The following CHD9 variants were observed in gnomAD, a reference collection of about 807,000 sequenced individuals.
CHD9 encodes chromodomain helicase DNA binding protein 9, also known as ATP-dependent chromatin remodeler CHD9.
A neutral mutation model predicts 316.1 loss-of-function variants in CHD9; 77 were observed. That is an observed-to-expected ratio of 0.24 (90% CI 0.20 to 0.29). The LOEUF (loss-of-function observed/expected upper bound fraction) is 0.29. Among genes scored for constraint, CHD9 ranks in the 10% least tolerant of loss-of-function variants. The probability of loss-of-function intolerance (pLI) is 1.00; values close to 1 mark genes in which losing one functional copy is unlikely to be tolerated. For missense variants in CHD9, 2,763 were observed against 3,438.1 expected (o/e 0.80, Z 4.91); for synonymous variants, 1,129 against 1,158.3 (o/e 0.97, Z 0.51).
rs1470712359 is a variant in CHD9, at chr16:53,209,647, C to T, written c.1618C>T (p.Arg540Cys). 29 of 1,613,736 alleles carry T rather than the reference C, an allele frequency of 1.8e-5. No homozygotes were observed. Among genetic ancestry groups the T allele is most frequent in the South Asian group, 3.3e-5 (3 of 91,090 alleles). ...AGAGGCCATAGCAAAAGCAAAGGAG[C>T]GTGGGGAACGCAATATTCCACGAGT... is the stretch of plus-strand genomic sequence containing the variant. Reference protein sequence around the residue: ...ISEAIAKAKERGERNIPRVMS... With the variant: ...ISEAIAKAKECGERNIPRVMS... Residue 540 changes from arginine to cysteine, a missense_variant, in exon 3 of 39, where the codon CGT (arginine) becomes TGT (cysteine). Transcript: ENST00000447540.
chr16:53,110,001 T>C (rs977118610), intron 1 of CHD9, among the ~76,000 whole-genome samples: 9 of 152,090 alleles, frequency 5.9e-5, no homozygotes, highest in African/African-American at 1.4e-4. Flanking sequence ...CCAGTTTCTA[T>C]TGAAGAACGA....
At chr16:53,271,702 A>G (rs940450319) in intron 22 of CHD9, among the ~76,000 whole-genome samples, 2 of 152,176 alleles carry the variant, frequency 1.3e-5, no homozygotes, top group African/African-American at 4.8e-5. Context: ...CAAATATACC[A>G]TGACTTCGAA....
intron 2 of CHD9, among the ~76,000 whole-genome samples, chr16:53,181,405 C>T (rs947257690): frequency 4.6e-5 from 7 of 151,866 alleles, no homozygotes; most frequent in African/African-American, 7.3e-5. Flanking sequence ...TTTGAGGAAC[C>T]GCAATTACTA....
At chr16:53,279,849 A>G (rs936517222) in intron 24 of CHD9, among the ~76,000 whole-genome samples, 1 of 152,208 alleles carries the variant, frequency 6.6e-6, no homozygotes, top group South Asian at 2.1e-4. Flanking sequence ...AGTTCCATCA[A>G]AAAGTGGGCT....
intron 1 of CHD9, among the ~76,000 whole-genome samples, chr16:53,062,688 G>A (rs762591853): frequency 4.6e-5 from 7 of 152,150 alleles, no homozygotes; most frequent in Non-Finnish European, 7.4e-5. Context: ...GTTACAGTGA[G>A]CTATGATCAT....
chr16:53,275,661 C>A (rs947221647), intron 24 of CHD9, among the ~76,000 whole-genome samples: 7 of 151,848 alleles, frequency 4.6e-5, no homozygotes, highest in Non-Finnish European at 8.8e-5. Flanking sequence ...TACTACTCAA[C>A]CCCCCATTCT....
At chr16:53,155,015 T>C (rs2041407290) in intron 1 of CHD9, among the ~76,000 whole-genome samples, 1 of 152,202 alleles carries the variant, frequency 6.6e-6, no homozygotes, top group Admixed American at 6.5e-5. Flanking sequence ...TTTCCAGCGC[T>C]TAATTTTTAC....
At chr16:53,208,721 A>G in intron 2 of CHD9, 1 of 985,974 alleles carries the variant, frequency 1.0e-6, no homozygotes, top group Non-Finnish European at 1.2e-6. Context: ...TAAGAACATA[A>G]CAAAACTGTG....
rs1403134019 is a variant in CHD9 at position 53,245,169 on chromosome 16, TAAAC to T, written c.3055-155_3055-152del. Among the ~76,000 whole-genome samples the T allele has an allele frequency of 2.0e-5, 3 of 151,712 alleles. No homozygotes were observed. The highest frequency in any genetic ancestry group is 1.9e-4 in the East Asian group (1 of 5,166). On this transcript the variant is annotated intron_variant, in intron 13 of 38. Coordinates refer to ENST00000447540, the MANE Select transcript of CHD9 (RefSeq NM_001308319.2). The surrounding 1 kb of genome is among the most constrained non-coding windows in gnomAD (Gnocchi z 4.1). ...GGGTGTCACAGCAAGACCTTGTCTCTAAACAAACAAACAAATATATATATATACA... is the reference window on the plus strand; with the variant it reads ...GGGTGTCACAGCAAGACCTTGTCTCTAAACAAACAAATATATATATATACA...
chr16:53,298,465 T>C (rs537798711), intron 30 of CHD9: 3 of 153,246 alleles, frequency 2.0e-5, no homozygotes, highest in African/African-American at 4.8e-5. Context: ...CTGGGCAACA[T>C]AGGGAGACCC....
intron 1 of CHD9, among the ~76,000 whole-genome samples, chr16:53,146,926 A>G (rs2040679402): frequency 6.6e-6 from 1 of 152,128 alleles, no homozygotes; most frequent in South Asian, 2.1e-4. Context: ...AAAGTTTCAC[A>G]AAATATTTTT....
At chr16:53,204,545 G>GT (rs1264273987) in intron 2 of CHD9, among the ~76,000 whole-genome samples, 21 of 151,994 alleles carry the variant, frequency 1.4e-4, no homozygotes. Flanking sequence ...TACTCTATTT[G>GT]TTTTTTTGTT....
intron 1 of CHD9, among the ~76,000 whole-genome samples, chr16:53,070,425 A>C (rs1291894401): frequency 6.6e-6 from 1 of 152,000 alleles, no homozygotes; most frequent in Non-Finnish European, 1.5e-5. Flanking sequence ...TTTGTATGTC[A>C]TGTAAGGTTA....
intron 1 of CHD9, among the ~76,000 whole-genome samples, chr16:53,147,501 A>T (rs2040728630): frequency 6.6e-6 from 1 of 152,136 alleles, no homozygotes; most frequent in East Asian, 1.9e-4. Flanking sequence ...ATTACCAAAT[A>T]ACTTCTACTC....
In CHD9 at chr16:53,156,486, A is replaced by G; in HGVS notation, c.397A>G (p.Ile133Val). The G allele has an allele frequency of 6.2e-7, 1 of 1,613,952 alleles. No homozygotes were observed. ...GTGGGGCCATCAGACAGCTACTACCATTTCAAATCAAAATGGATCTCCTTT... is the reference window on the plus strand; with the variant it reads ...GTGGGGCCATCAGACAGCTACTACCGTTTCAAATCAAAATGGATCTCCTTT... Reference protein sequence around the residue: ...PMWGHQTATTISNQNGSPFHQ... With the variant: ...PMWGHQTATTVSNQNGSPFHQ... The change falls in exon 2 of 39, where the codon ATT (isoleucine) becomes GTT (valine). Residue 133 changes from isoleucine (I) to valine (V), a missense_variant. Physicochemically the swap from Ile to Val is conservative, Grantham distance 29. Transcript: ENST00000447540.
intron 17 of CHD9, among the ~76,000 whole-genome samples, chr16:53,253,879 C>T (rs562680426): frequency 1.3e-5 from 2 of 152,156 alleles, no homozygotes; most frequent in East Asian, 1.9e-4. Flanking sequence ...ACTACACTTC[C>T]GTTAAAACAT....
chr16:53,146,369 G>T (rs1166876547), intron 1 of CHD9, among the ~76,000 whole-genome samples: 2 of 115,350 alleles, frequency 1.7e-5, no homozygotes, highest in Non-Finnish European at 3.6e-5. Flanking sequence ...CTCCAGGCTG[G>T]GTGACAGTGA....
At chr16:53,091,566 C>T (rs1052171565) in intron 1 of CHD9, among the ~76,000 whole-genome samples, 1 of 152,164 alleles carries the variant, frequency 6.6e-6, no homozygotes, top group Non-Finnish European at 1.5e-5. Flanking sequence ...AGACCCCTGC[C>T]GTAGTTACTC....
Position 53,297,101 on chromosome 16 carries a change from T to C in CHD9, c.5656T>C (p.Tyr1886His). ...HKKTDDSLEKYLYAFMSMCRR... is the reference protein window; with the variant it reads ...HKKTDDSLEKHLYAFMSMCRR... ...GAAAACTGATGATAGTTTGGAAAAA[T>C]ATTTGTACGCATTCATGTCCATGTG... The change falls in exon 30 of 39, where the codon TAT becomes CAT. Residue 1886 changes from tyrosine to histidine, a missense_variant. Transcript: ENST00000447540. The C allele has an allele frequency of 1.2e-6, 2 of 1,613,812 alleles. No homozygotes were observed. The highest frequency in any genetic ancestry group is 1.7e-6 in the Non-Finnish European group (2 of 1,179,834).
Sources: allele counts gnomAD v4.1 joint callset (sites outside exome capture counted in the v4.1 genomes callset), GRCh38; gene constraint gnomAD v4.1.1; non-coding constraint Gnocchi (gnomAD v3.1); transcripts MANE v1.5; gene names NCBI Gene and HGNC (gene_info 2026-07-23, HGNC 2026-07-21).